LDLRAP1: variants seen among roughly 807,000 people sequenced by gnomAD.
LDLRAP1 encodes low density lipoprotein receptor adapter protein 1.
A neutral mutation model predicts 37.8 loss-of-function variants in LDLRAP1; 30 were observed. The observed-to-expected ratio is 0.79, with a 90% CI of 0.59 to 1.08. The LOEUF (loss-of-function observed/expected upper bound fraction) is 1.08, where lower values mean the gene tolerates loss of function less well. LDLRAP1 is among the 50% of genes least tolerant of loss of function. The pLI, the probability that LDLRAP1 is intolerant of heterozygous loss-of-function variation, is 0.00. For missense variants in LDLRAP1, 375 were observed against 401.6 expected (o/e 0.93, Z 0.57); for synonymous variants, 156 against 169.8 (o/e 0.92, Z 0.63).
At chr1:25,583,803 C>T in the LDLRAP1 span, among the ~76,000 whole-genome samples, 2 of 152,164 alleles carry the variant, frequency 1.3e-5, no homozygotes, top group African/African-American at 2.4e-5. Context: ...TCCCAACCCC[C>T]GAGCCTTAGG....
At position 25,555,084 on chromosome 1, in the gene LDLRAP1, A is replaced by G; in HGVS notation, c.344+112A>G. ...CCTACCTGGGTGACATTGGAGCCTC[A>G]GTTTCCTCATCTGTAAAATGGGGGT... On this transcript the variant is annotated intron_variant, in intron 3 of 8. Coordinates refer to ENST00000374338, the MANE Select transcript of LDLRAP1 (RefSeq NM_015627.3). This position sits in a 1 kb window ranked among gnomAD's most constrained non-coding sequence, Gnocchi z 4.7. 1.2e-6 allele frequency: 1 copy of G among 800,724 alleles called. No homozygotes were observed. Among genetic ancestry groups the G allele is most frequent in the Non-Finnish European group, 2.2e-6 (1 of 460,284 alleles). 49.6% of individuals were successfully genotyped at this position (800,724 alleles called of 1,614,324 possible).
intron 4 of LDLRAP1, among the ~76,000 whole-genome samples, chr1:25,560,393 G>T (rs944559686): frequency 6.6e-6 from 1 of 152,118 alleles, no homozygotes; most frequent in African/African-American, 2.4e-5. Flanking sequence ...TCAACTCTGG[G>T]GCAGCACAGC....
intron 1 of LDLRAP1, among the ~76,000 whole-genome samples, chr1:25,545,247 C>G (rs1022905679): frequency 5.3e-5 from 8 of 152,086 alleles, no homozygotes; most frequent in Non-Finnish European, 1.0e-4. Flanking sequence ...GGGGCAGCCC[C>G]CAGGGAAGTG....
chr1:25,565,274 C>T (rs1176004555), intron 8 of LDLRAP1, 67 bp downstream of exon 8: 13 of 1,557,420 alleles, frequency 8.3e-6, no homozygotes, highest in Non-Finnish European at 1.1e-5. Flanking sequence ...TGCCCTTTCT[C>T]CTGGGGACCT....
chr1:25,580,285 C>T, the LDLRAP1 span, among the ~76,000 whole-genome samples: 1 of 152,106 alleles, frequency 6.6e-6, no homozygotes, highest in Non-Finnish European at 1.5e-5. Flanking sequence ...GGCTCGAGGC[C>T]GGGCACAGTG....
chr1:25,584,226 C>A, the LDLRAP1 span, among the ~76,000 whole-genome samples: 1 of 152,252 alleles, frequency 6.6e-6, no homozygotes, highest in African/African-American at 2.4e-5. Context: ...TCCTAGATAA[C>A]CTCTTCCAAT....
the LDLRAP1 span, among the ~76,000 whole-genome samples, chr1:25,575,114 T>C: frequency 1.3e-5 from 2 of 152,166 alleles, no homozygotes; most frequent in Non-Finnish European, 2.9e-5. Context: ...GACCCTTTCT[T>C]CGGGCCGCAA....
chr1:25,572,950 C>T (rs1338349364), downstream of LDLRAP1, among the ~76,000 whole-genome samples: 1 of 152,194 alleles, frequency 6.6e-6, no homozygotes, highest in African/African-American at 2.4e-5. Flanking sequence ...CGAGTGCAGC[C>T]TCTGGGGCCA....
intron 1 of LDLRAP1, among the ~76,000 whole-genome samples, chr1:25,546,534 TCTCAGTC>T (rs891418473): frequency 9.2e-5 from 14 of 152,150 alleles, no homozygotes; most frequent in African/African-American, 2.4e-4. Flanking sequence ...CAATATTTTA[TCTCAGTC>T]CCTGGCCAGG....
At chr1:25,582,458 A>G in the LDLRAP1 span, among the ~76,000 whole-genome samples, 41 of 151,364 alleles carry the variant, frequency 2.7e-4, no homozygotes, top group Admixed American at 1.6e-3. Flanking sequence ...GGTGGCATGC[A>G]CCTGTAGTCC....
intron 6 of LDLRAP1, 58 bp from the exon 7 acceptor site, chr1:25,563,603 G>C: frequency 6.2e-7 from 1 of 1,606,232 alleles, no homozygotes; most frequent in African/African-American, 1.3e-5. Flanking sequence ...AGCCCAGGGA[G>C]GGGGCCAGGA....
At chr1:25,558,988 G>A (rs1354298939) in intron 4 of LDLRAP1, among the ~76,000 whole-genome samples, 1 of 152,178 alleles carries the variant, frequency 6.6e-6, no homozygotes, top group East Asian at 1.9e-4. Flanking sequence ...CCTATCAGCA[G>A]AATGAGAAGG....
intron 1 of LDLRAP1, chr1:25,553,592 C>T: frequency 2.7e-6 from 1 of 373,392 alleles, no homozygotes; most frequent in East Asian, 6.2e-5. Context: ...TGGCTCATGC[C>T]TGTAATCCCA....
Position 25,555,421 on chromosome 1 carries a change from G to A in LDLRAP1, c.344+449G>A, listed in dbSNP as rs146457446. Among the ~76,000 whole-genome samples the A allele has an allele frequency of 7.9e-3, 1,210 of 152,278 alleles. 13 individuals carry two copies. Among genetic ancestry groups the A allele is most frequent in the Middle Eastern group, 0.01 (3 of 294 alleles). On this transcript the variant is annotated intron_variant, in intron 3 of 8. Coordinates refer to ENST00000374338, the MANE Select transcript of LDLRAP1 (RefSeq NM_015627.3). This position sits in a 1 kb window ranked among gnomAD's most constrained non-coding sequence, Gnocchi z 4.7. ...AGTCAGAGTATAGATGGTCTCTCTAGTGGGTCCTCTGGTCAGCCCTTAGAG... is the reference window on the plus strand; with the variant it reads ...AGTCAGAGTATAGATGGTCTCTCTAATGGGTCCTCTGGTCAGCCCTTAGAG...
the LDLRAP1 span, among the ~76,000 whole-genome samples, chr1:25,583,146 G>A: frequency 6.7e-6 from 1 of 149,398 alleles, no homozygotes; most frequent in Non-Finnish European, 1.5e-5. Context: ...AATTATCTTT[G>A]CTCCTCTGTA....
rs769279108 is a variant in LDLRAP1 at position 25,563,165 on chromosome 1, C to T, written c.616+12C>T. 56 of 1,612,318 alleles carry T rather than the reference C, an allele frequency of 3.5e-5. No individual in the cohort carries two copies. Among genetic ancestry groups the T allele is most frequent in the Non-Finnish European group, 4.6e-5 (54 of 1,178,562 alleles). On this transcript the variant is annotated intron_variant, in intron 6 of 8. Transcript: ENST00000374338. ...CTCCTTGAAGAGCTGTGAGTCCTGACGGGGAAGGGGGATTGGCCATGCGGT... is the reference window on the plus strand; with the variant it reads ...CTCCTTGAAGAGCTGTGAGTCCTGATGGGGAAGGGGGATTGGCCATGCGGT...
At chr1:25,582,109 CA>C in the LDLRAP1 span, among the ~76,000 whole-genome samples, 1 of 152,186 alleles carries the variant, frequency 6.6e-6, no homozygotes, top group African/African-American at 2.4e-5. Flanking sequence ...CAGCCCTGGG[CA>C]GTGCCATGGC....
Position 25,555,267 on chromosome 1 carries a change from A to G in LDLRAP1, c.344+295A>G, listed in dbSNP as rs140288457. 4.9e-3 allele frequency among the ~76,000 whole-genome samples: 752 copies of G among 152,338 alleles called. 7 individuals are homozygous for G. The highest frequency in any genetic ancestry group is 0.017 in the African/African-American group (718 of 41,582). ...GTGCCCTTCCCCCCTACTCCCCACCAGCATGCCGCTGAGTCGGGCTTGGAG... is the reference window on the plus strand; with the variant it reads ...GTGCCCTTCCCCCCTACTCCCCACCGGCATGCCGCTGAGTCGGGCTTGGAG... On this transcript the variant is annotated intron_variant, in intron 3 of 8. Transcript: ENST00000374338. The surrounding 1 kb of genome is among the most constrained non-coding windows in gnomAD (Gnocchi z 4.7).
Position 25,553,535 on chromosome 1 carries a change from C to T in LDLRAP1, c.89-387C>T, listed in dbSNP as rs147297884. 2.0e-3 allele frequency: 523 copies of T among 267,266 alleles called. 4 individuals are homozygous for T. The highest frequency in any genetic ancestry group is 0.011 in the African/African-American group (494 of 45,386). The allele number at this position is 267,266 out of a possible 1,614,324, so 16.6% of individuals were successfully genotyped here. On this transcript the variant is annotated intron_variant, in intron 1 of 8. Coordinates refer to ENST00000374338, the MANE Select transcript of LDLRAP1 (RefSeq NM_015627.3). ...GCTTACATGGAGCCTTGGTATGTGC[C>T]GGAAAGCTTTAGCCCTTTATTAAAA... is the stretch of plus-strand genomic sequence containing the variant.
Sources: gnomAD v4.1 joint callset for allele counts (sites outside exome capture counted in the v4.1 genomes callset) on GRCh38, gnomAD v4.1.1 for gene constraint, Gnocchi (gnomAD v3.1) non-coding constraint, MANE v1.5 for transcripts, NCBI Gene and HGNC (gene_info 2026-07-23, HGNC 2026-07-21) for gene names.